Variants in TRIM51 observed in about 807,000 individuals in gnomAD.
TRIM51 encodes tripartite motif-containing 51.
Under a neutral mutation model 32.7 loss-of-function variants are expected in TRIM51, and 23 were observed. The observed-to-expected ratio is 0.70, with a 90% CI of 0.51 to 1.00. The LOEUF is 1.00. Ranked by LOEUF, TRIM51 falls within the 50% of genes least tolerant of loss-of-function variation. TRIM51 has a pLI of 0.00. For missense variants in TRIM51, 592 were observed against 539.2 expected, an observed-to-expected ratio of 1.10 and a Z score of -0.97; for synonymous variants, 177 against 181.9, an observed-to-expected ratio of 0.97 and a Z score of 0.22.
rs773595095 is a variant in TRIM51 at position 55,889,955 on chromosome 11, C to T, written c.775C>T (p.Leu259=). The T allele has an allele frequency of 6.2e-7, 1 of 1,613,050 alleles. No homozygotes were observed. Among genetic ancestry groups the T allele is most frequent in the South Asian group, 1.1e-5 (1 of 91,048 alleles). ...GDILHRYESL[L]LQVSEPVNPE... ...TTCCCCTTGCAGGTATGAGTCTCTGCTGCTGCAAGTGTCTGAGCCTGTGAA... is the reference window on the plus strand; with the variant it reads ...TTCCCCTTGCAGGTATGAGTCTCTGTTGCTGCAAGTGTCTGAGCCTGTGAA... The change falls in exon 6 of 7, where the codon CTG becomes TTG. Residue 259 remains leucine (L), a synonymous_variant. Transcript: ENST00000449290.
intron 1 of TRIM51, 88 bp from the exon 2 acceptor site, chr11:55,885,337 A>G (rs1854561537): frequency 7.3e-7 from 1 of 1,376,610 alleles, no homozygotes; most frequent in African/African-American, 1.4e-5. Context: ...ACTGTCAAGA[A>G]GAAAATATAG....
chr11:55,889,501 C>T (rs1291376009), intron 5 of TRIM51, among the ~76,000 whole-genome samples: 1 of 152,058 alleles, frequency 6.6e-6, no homozygotes, highest in African/African-American at 2.4e-5. Context: ...TGTAGGCCTC[C>T]AGAGAACCTC....
chr11:55,890,074 C>T (rs750263906), intron 6 of TRIM51, 35 bp downstream of exon 6: 2 of 1,435,322 alleles, frequency 1.4e-6, no homozygotes, highest in Non-Finnish European at 2.0e-6. Flanking sequence ...TTCCCACAGT[C>T]TATTACTTCT....
At chr11:55,890,223 C>T (rs1460278393) in intron 6 of TRIM51, among the ~76,000 whole-genome samples, 184 bp downstream of exon 6, 1 of 152,028 alleles carries the variant, frequency 6.6e-6, no homozygotes, top group Admixed American at 6.6e-5. Context: ...AAGAGTACAA[C>T]ATAGTGAAAA....
At chr11:55,890,333 A>C (rs1426840052) in intron 6 of TRIM51, among the ~76,000 whole-genome samples, 1 of 152,210 alleles carries the variant, frequency 6.6e-6, no homozygotes, top group African/African-American at 2.4e-5. Flanking sequence ...GCTCAGAAGG[A>C]AGCATAATAA....
At chr11:55,887,889 A>G in intron 3 of TRIM51, 143 bp from the exon 4 acceptor site, 2 of 675,008 alleles carry the variant, frequency 3.0e-6, no homozygotes, top group Non-Finnish European at 5.2e-6. Context: ...AGAAAAAAAA[A>G]TAAAAGGGAT....
chr11:55,888,005 T>C (rs748598163), intron 3 of TRIM51, 27 bp from the exon 4 acceptor site: 55 of 1,478,866 alleles, frequency 3.7e-5, no homozygotes, highest in Admixed American at 8.4e-5. Flanking sequence ...GGTAAAACAT[T>C]TCTATTTTGA....
rs376217664 is a variant in TRIM51, at chr11:55,888,932, G to A, written c.739-47G>A. The A allele has an allele frequency of 9.6e-6, 15 of 1,559,070 alleles. No homozygotes were observed. In the Admixed American group the frequency reaches 1.2e-4, roughly 12 times the overall value. ...TCTCACTCTGAACTTACTGGAAGAT[G>A]CATCTTGTGGAAAGCGCTAAGCCTT... is the stretch of plus-strand genomic sequence containing the variant. On this transcript the variant is annotated intron_variant, in intron 4 of 6. Transcript: ENST00000449290.
At chr11:55,884,859 A>T (rs1472573613) in intron 1 of TRIM51, among the ~76,000 whole-genome samples, 3 of 152,030 alleles carry the variant, frequency 2.0e-5, no homozygotes, top group Non-Finnish European at 4.4e-5. Context: ...AACATTTTTC[A>T]TTATTTATTT....
At chr11:55,883,690 T>C (rs1382369516) in intron 1 of TRIM51, among the ~76,000 whole-genome samples, 2 of 152,160 alleles carry the variant, frequency 1.3e-5, no homozygotes, top group African/African-American at 4.8e-5. Flanking sequence ...TGTACTAATA[T>C]TGGTACACTT....
rs1338462153 is a variant in TRIM51 at position 55,889,946 on chromosome 11, G to A, written c.766G>A (p.Glu256Lys). 1.2e-6 allele frequency: 2 copies of A among 1,612,272 alleles called. No homozygotes were observed. Among genetic ancestry groups the A allele is most frequent in the Non-Finnish European group, 1.7e-6 (2 of 1,178,886 alleles). Residue 256 changes from glutamate to lysine, a missense_variant, in exon 6 of 7, where the codon GAG (glutamate) becomes AAG (lysine). Coordinates refer to ENST00000449290, the MANE Select transcript of TRIM51 (RefSeq NM_032681.4). ...ACCCTATCTTTCCCCTTGCAGGTATGAGTCTCTGCTGCTGCAAGTGTCTGA... is the reference window on the plus strand; with the variant it reads ...ACCCTATCTTTCCCCTTGCAGGTATAAGTCTCTGCTGCTGCAAGTGTCTGA... ...QAFGDILHRY[E>K]SLLLQVSEPV...
chr11:55,885,504 G>C lies in TRIM51; in HGVS notation c.76G>C (p.Val26Leu), dbSNP rs1342422908. The change falls in exon 2 of 7, where the codon GTC becomes CTC. Residue 26 changes from valine (V) to leucine (L), a missense_variant. Coordinates refer to ENST00000449290, the MANE Select transcript of TRIM51 (RefSeq NM_032681.4). ...CTGCATGAACTACTTCCTAGACCCA[G>C]TCACCATAGACTGTGGGCACAGCTT... Reference protein sequence around the residue: ...PICMNYFLDPVTIDCGHSFCR... With the variant: ...PICMNYFLDPLTIDCGHSFCR... 3 of 1,611,926 alleles carry C rather than the reference G, an allele frequency of 1.9e-6. No homozygotes were observed. The East Asian group carries it at 6.7e-5, about 36-fold the overall frequency.
intron 1 of TRIM51, 29 bp downstream of exon 1, chr11:55,883,413 T>C (rs1344793712): frequency 1.3e-5 from 2 of 152,196 alleles, no homozygotes; most frequent in Non-Finnish European, 2.9e-5. Flanking sequence ...GAGAAAATTA[T>C]TTCTCTCTTC....
intron 6 of TRIM51, 75 bp from the exon 7 acceptor site, chr11:55,891,058 G>C: frequency 7.9e-7 from 1 of 1,258,128 alleles, no homozygotes; most frequent in Non-Finnish European, 1.1e-6. Flanking sequence ...ACTCTTGGTA[G>C]AACAACATTT....
chr11:55,887,698 A>G (rs1412561241), intron 3 of TRIM51, among the ~76,000 whole-genome samples: 1 of 152,138 alleles, frequency 6.6e-6, no homozygotes, highest in East Asian at 1.9e-4. Flanking sequence ...AAGTAGAAAT[A>G]ATGGTTTCTT....
intron 5 of TRIM51, among the ~76,000 whole-genome samples, chr11:55,889,214 A>G (rs1263730155): frequency 6.6e-6 from 1 of 152,012 alleles, no homozygotes; most frequent in Non-Finnish European, 1.5e-5. Context: ...AAGCAAAAAA[A>G]TAAATAAATA....
Position 55,889,964 on chromosome 11 carries a change from G to A in TRIM51, c.784G>A (p.Val262Met), listed in dbSNP as rs1338746197. The A allele has an allele frequency of 3.7e-6, 6 of 1,613,238 alleles. No homozygotes were observed. The South Asian group carries it at 4.4e-5, about 12-fold the overall frequency. The change falls in exon 6 of 7, where the codon GTG becomes ATG. Residue 262 changes from valine (V) to methionine (M), a missense_variant. Coordinates refer to ENST00000449290, the MANE Select transcript of TRIM51 (RefSeq NM_032681.4). ...LHRYESLLLQ[V>M]SEPVNPELSA... is the part of the protein sequence containing the mutation. Reference sequence around the variant, plus strand: ...CAGGTATGAGTCTCTGCTGCTGCAAGTGTCTGAGCCTGTGAATCCAGAGCT... The same window carrying A: ...CAGGTATGAGTCTCTGCTGCTGCAAATGTCTGAGCCTGTGAATCCAGAGCT...
chr11:55,891,744 A>T lies in TRIM51; in HGVS notation c.*112A>T. On this transcript the variant is annotated 3_prime_UTR_variant, in exon 7 of 7. Transcript: ENST00000449290. The stretch of plus-strand genomic sequence containing the variant: ...CAAATAAGTTATATTTAATGTCTTT[A>T]GTTGCATTCTAATGTCATCAAAACT... 1 of 1,230,860 alleles carries T rather than the reference A, an allele frequency of 8.1e-7. No individual in the cohort carries two copies. Among genetic ancestry groups the T allele is most frequent in the African/African-American group, 1.5e-5 (1 of 66,110 alleles). 76.2% of individuals were successfully genotyped at this position (1,230,860 alleles called of 1,614,324 possible). A position where few individuals can be genotyped will look rare whatever the true frequency, so the allele number is the denominator to read the frequency against.
At chr11:55,885,975 C>T (rs1431280626) in intron 2 of TRIM51, 136 bp downstream of exon 2, 11 of 1,494,320 alleles carry the variant, frequency 7.4e-6, no homozygotes, top group African/African-American at 2.8e-5. Flanking sequence ...GACTTCACAC[C>T]TCTCAGATTT....
Sources: allele counts gnomAD v4.1 joint callset (sites outside exome capture counted in the v4.1 genomes callset), GRCh38; gene constraint gnomAD v4.1.1; transcripts MANE v1.5; gene names NCBI Gene and HGNC (gene_info 2026-07-23, HGNC 2026-07-21).